CEP170: variants seen among roughly 807,000 people sequenced by gnomAD.
CEP170 encodes centrosomal protein 170.
A neutral mutation model predicts 151.9 loss-of-function variants in CEP170; 21 were observed. The ratio of observed to expected loss-of-function variants is 0.14; its 90% CI spans 0.10 to 0.20. The LOEUF (loss-of-function observed/expected upper bound fraction) is 0.20, where lower values mean the gene tolerates loss of function less well. Among genes scored for constraint, CEP170 ranks in the 10% least tolerant of loss-of-function variants. CEP170 has a pLI of 1.00. For synonymous variants in CEP170, 356 were observed against 648.8 expected (o/e 0.55, Z 6.86); for missense variants, 964 against 1,892.9 (o/e 0.51, Z 9.11).
chr1:243,211,783 C>T, intron 4 of CEP170, 103 bp downstream of exon 4: 4 of 1,313,310 alleles, frequency 3.0e-6, no homozygotes, highest in Non-Finnish European at 4.2e-6. Context: ...AATAGAAATT[C>T]TGGCATATCT....
chr1:243,214,736 T>A (rs146060892), intron 3 of CEP170, among the ~76,000 whole-genome samples: 1 of 152,332 alleles, frequency 6.6e-6, no homozygotes, highest in East Asian at 1.9e-4. Flanking sequence ...TGTCAACTGA[T>A]GAGCAGTTAG....
chr1:243,158,406 AAG>A (rs1198617321), intron 13 of CEP170, among the ~76,000 whole-genome samples: 1 of 152,340 alleles, frequency 6.6e-6, no homozygotes, highest in African/African-American at 2.4e-5. Flanking sequence ...GCAATTAACA[AAG>A]AGCTTTAATA....
At chr1:243,221,841 T>C (rs764120318) in intron 2 of CEP170, 28 bp from the exon 3 acceptor site, 1 of 1,572,262 alleles carries the variant, frequency 6.4e-7, no homozygotes, top group East Asian at 2.3e-5. Context: ...AGTTAATAAA[T>C]ATAAGAAAAT....
At chr1:243,241,124 G>A (rs2064796046) in intron 1 of CEP170, among the ~76,000 whole-genome samples, 1 of 152,182 alleles carries the variant, frequency 6.6e-6, no homozygotes, top group Admixed American at 6.5e-5. Flanking sequence ...GTAGGAGGGT[G>A]CCTCCGAACA....
At chr1:243,150,073 T>C (rs1414076691) in intron 14 of CEP170, among the ~76,000 whole-genome samples, 1 of 152,160 alleles carries the variant, frequency 6.6e-6, no homozygotes, top group African/African-American at 2.4e-5. Context: ...TTAGTAATAA[T>C]AAAAGCTTTT....
At chr1:243,202,061 A>G (rs375798742) in intron 4 of CEP170, among the ~76,000 whole-genome samples, 4 of 152,296 alleles carry the variant, frequency 2.6e-5, no homozygotes, top group African/African-American at 7.2e-5. Context: ...ATGCCCATCA[A>G]CTGATAAGTG....
intron 11 of CEP170, among the ~76,000 whole-genome samples, chr1:243,171,449 A>G (rs1049163937): frequency 2.0e-5 from 3 of 152,072 alleles, no homozygotes; most frequent in African/African-American, 7.2e-5. Context: ...TTCTTTATTT[A>G]TACCTTGATT....
chr1:243,214,280 GT>G (rs758433258), intron 3 of CEP170, among the ~76,000 whole-genome samples: 749 of 100,496 alleles, frequency 7.5e-3, no homozygotes, highest in African/African-American at 0.012. Context: ...AAGCTGTAAA[GT>G]TTTTTTTTTT....
chr1:243,152,901 T>C (rs188423072), intron 14 of CEP170, among the ~76,000 whole-genome samples: 3 of 152,244 alleles, frequency 2.0e-5, no homozygotes, highest in African/African-American at 7.2e-5. Flanking sequence ...ATAGCTGTCA[T>C]AGGTAATGAT....
At chr1:243,177,504 G>C (rs1050565183) in intron 10 of CEP170, among the ~76,000 whole-genome samples, 10 of 152,190 alleles carry the variant, frequency 6.6e-5, no homozygotes, top group Non-Finnish European at 1.0e-4. Context: ...CAGATAACCA[G>C]AACATCTTCC....
chr1:243,171,588 T>C (rs138785235), intron 11 of CEP170, among the ~76,000 whole-genome samples: 7,795 of 152,222 alleles, frequency 0.051, 437 homozygotes, highest in East Asian at 0.18. Flanking sequence ...CCATTGAAGG[T>C]TAGCTCTTAT....
intron 6 of CEP170, among the ~76,000 whole-genome samples, chr1:243,200,267 T>C (rs1176036648): frequency 6.6e-6 from 1 of 152,138 alleles, no homozygotes; most frequent in Non-Finnish European, 1.5e-5. Flanking sequence ...CCCCCACGGA[T>C]ACTGAAGGAT....
intron 3 of CEP170, chr1:243,221,442 G>C (rs997581814): frequency 8.1e-6 from 3 of 370,466 alleles, no homozygotes; most frequent in South Asian, 6.3e-5. Context: ...CAGCCATATA[G>C]TGAAGTCAAG....
chr1:243,152,970 T>G, intron 14 of CEP170, among the ~76,000 whole-genome samples: 1 of 152,250 alleles, frequency 6.6e-6, no homozygotes, highest in Non-Finnish European at 1.5e-5. Context: ...TTCACCATTC[T>G]ACATGCCATT....
In CEP170 at chr1:243,164,436, C is replaced by T. The variant is rs763127352; in HGVS notation, c.3524G>A (p.Ser1175Asn). Residue 1175 changes from serine to asparagine, a missense_variant, in exon 13 of 20, where the codon AGT becomes AAT. Physicochemically the swap from Ser to Asn is conservative, Grantham distance 46. Coordinates refer to ENST00000366542, the MANE Select transcript of CEP170 (RefSeq NM_014812.3). ...GGCTTCTGCGGTCCTCGAAGAGGCA[C>T]TACTTCTAGAAATTGTTGCTTCAGA... Reference protein sequence around the residue: ...SDSEATISRSSASSRTAEAII... With the variant: ...SDSEATISRSNASSRTAEAII... 67 of 1,582,768 alleles carry T rather than the reference C, an allele frequency of 4.2e-5. No homozygotes were observed. In the African/African-American group the frequency reaches 8.3e-4, roughly 20 times the overall value.
intron 1 of CEP170, among the ~76,000 whole-genome samples, chr1:243,232,084 C>T (rs1239991856): frequency 6.6e-6 from 1 of 152,052 alleles, no homozygotes; most frequent in African/African-American, 2.4e-5. Context: ...TCCCACCTCA[C>T]CTTCTTGAGT....
At chr1:243,181,622 T>G (rs2059621926) in intron 10 of CEP170, among the ~76,000 whole-genome samples, 1 of 152,194 alleles carries the variant, frequency 6.6e-6, no homozygotes, top group Admixed American at 6.5e-5. Flanking sequence ...CAAGGTAAGA[T>G]GCAAATACAC....
chr1:243,208,416 A>G (rs2061561053), intron 4 of CEP170, among the ~76,000 whole-genome samples: 1 of 152,190 alleles, frequency 6.6e-6, no homozygotes, highest in South Asian at 2.1e-4. Context: ...TTCACTCAGA[A>G]TAAAAGTCAA....
At chr1:243,222,034 C>T (rs2148990043) in intron 2 of CEP170, among the ~76,000 whole-genome samples, 1 of 152,310 alleles carries the variant, frequency 6.6e-6, no homozygotes, top group East Asian at 1.9e-4. Flanking sequence ...TTCTTTTCTA[C>T]TAAATTCACA....
Sources: gnomAD v4.1 joint callset for allele counts (sites outside exome capture counted in the v4.1 genomes callset) on GRCh38, gnomAD v4.1.1 for gene constraint, MANE v1.5 for transcripts, NCBI Gene and HGNC (gene_info 2026-07-23, HGNC 2026-07-21) for gene names.